Variants in DEF6 observed in about 807,000 individuals in gnomAD.
DEF6 encodes the protein differentially expressed in FDCP 6 homolog.
Under a neutral mutation model 80.5 loss-of-function variants are expected in DEF6, and 32 were observed. That is an observed-to-expected ratio of 0.40 (90% CI 0.30 to 0.53). The LOEUF is 0.53. Ranked by LOEUF, DEF6 falls within the 20% of genes least tolerant of loss-of-function variation. The pLI is 0.57. For missense variants in DEF6, 575 were observed against 818.7 expected, an observed-to-expected ratio of 0.70 and a Z score of 3.63; for synonymous variants, 300 against 337.9, an observed-to-expected ratio of 0.89 and a Z score of 1.23.
Position 35,319,481 on chromosome 6 carries a change from C to G in DEF6, c.1216-43C>G, listed in dbSNP as rs758991019. 2 of 1,564,642 alleles carry G rather than the reference C, an allele frequency of 1.3e-6. No homozygotes were observed. The highest frequency in any genetic ancestry group is 1.7e-6 in the Non-Finnish European group (2 of 1,151,342). On this transcript the variant is annotated intron_variant, in intron 7 of 10. Transcript: ENST00000316637. The surrounding 1 kb of genome is among the most constrained non-coding windows in gnomAD (Gnocchi z 4.5). ...CCCTCCTCCTCCGCCCCCACGTGCCCCTTTTGACCTGGCTCTTGGTCCACC... is the reference window on the plus strand; with the variant it reads ...CCCTCCTCCTCCGCCCCCACGTGCCGCTTTTGACCTGGCTCTTGGTCCACC...
rs1791263193 is a variant in DEF6, at chr6:35,298,048, G to A, written c.96+96G>A. On this transcript the variant is annotated intron_variant, in intron 1 of 10. Transcript: ENST00000316637. The stretch of plus-strand genomic sequence containing the variant: ...GTGTGGACACTGTGCCACTCCAGGG[G>A]CACCCAGCCATCCAGCGTCCCGGGC... 46 of 1,109,950 alleles carry A rather than the reference G, an allele frequency of 4.1e-5. 2 individuals carry two copies. In the South Asian group the frequency reaches 5.2e-4, roughly 13 times the overall value. The allele number at this position is 1,109,950 out of a possible 1,614,324, so 68.8% of individuals were successfully genotyped here.
intron 5 of DEF6, among the ~76,000 whole-genome samples, chr6:35,313,771 A>G (rs987461119): frequency 1.3e-5 from 2 of 152,194 alleles, no homozygotes; most frequent in Admixed American, 6.5e-5. Flanking sequence ...TGTTGTTGCA[A>G]ATGACAAGAT....
At chr6:35,316,690 A>G (rs1020683512) in intron 5 of DEF6, among the ~76,000 whole-genome samples, 4 of 152,212 alleles carry the variant, frequency 2.6e-5, no homozygotes, top group Admixed American at 6.5e-5. Flanking sequence ...TTCTGTTACT[A>G]TGATGTGTCA....
chr6:35,306,562 A>C (rs1285394938), intron 1 of DEF6, among the ~76,000 whole-genome samples: 1 of 152,032 alleles, frequency 6.6e-6, no homozygotes, highest in Non-Finnish European at 1.5e-5. Context: ...AGAGGTGATC[A>C]CTGTTAACAG....
intron 1 of DEF6, among the ~76,000 whole-genome samples, chr6:35,304,787 CACAA>C (rs1006940646): frequency 1.6e-4 from 25 of 152,090 alleles, no homozygotes; most frequent in Admixed American, 3.9e-4. Flanking sequence ...GAAATGCTCA[CACAA>C]ACAGTGAACA....
intron 1 of DEF6, among the ~76,000 whole-genome samples, chr6:35,306,492 C>T (rs1168919409): frequency 6.7e-6 from 1 of 149,774 alleles, no homozygotes; most frequent in African/African-American, 2.5e-5. Flanking sequence ...GCCTGGGCAA[C>T]AAGAGTGAAA....
chr6:35,308,950 T>C (rs2150386565), intron 1 of DEF6, among the ~76,000 whole-genome samples: 1 of 152,264 alleles, frequency 6.6e-6, no homozygotes, highest in South Asian at 2.1e-4. Flanking sequence ...ATGGATTTGT[T>C]CAACAAACCC....
At chr6:35,299,119 G>A (rs559768490) in intron 1 of DEF6, among the ~76,000 whole-genome samples, 1 of 152,142 alleles carries the variant, frequency 6.6e-6, no homozygotes, top group African/African-American at 2.4e-5. Context: ...ACCTGGATTT[G>A]TGAGCATCTA....
In DEF6 at chr6:35,312,736, G is replaced by A. The variant is rs1482506458; in HGVS notation, c.771G>A (p.Arg257=). ...GGAGTGAAGAGTGCAAAGAGAAAAG[G>A]GGCATTATCCCGCTGGATGCACACT... is the stretch of plus-strand genomic sequence containing the variant. The part of the protein sequence containing the change: ...YFGSEECKEK[R]GIIPLDAHCC... Residue 257 remains arginine (R), a synonymous_variant, in exon 5 of 11, where the codon AGG becomes AGA. Transcript: ENST00000316637. The surrounding 1 kb of genome is among the most constrained non-coding windows in gnomAD (Gnocchi z 6.6). The A allele has an allele frequency of 1.2e-6, 2 of 1,613,076 alleles. No homozygotes were observed. Among genetic ancestry groups the A allele is most frequent in the African/African-American group, 1.3e-5 (1 of 74,910 alleles).
intron 1 of DEF6, among the ~76,000 whole-genome samples, chr6:35,302,007 G>A (rs1018086373): frequency 1.3e-5 from 2 of 151,890 alleles, no homozygotes; most frequent in East Asian, 1.9e-4. Flanking sequence ...GATTACAGGC[G>A]TGAGCTACTG....
chr6:35,321,040 C>G, intron 10 of DEF6, 66 bp downstream of exon 10: 3 of 1,582,884 alleles, frequency 1.9e-6, no homozygotes, highest in Non-Finnish European at 2.6e-6. Flanking sequence ...AGAAAGGTCT[C>G]CCTGGGAGAC....
chr6:35,320,896 A>G lies in DEF6; in HGVS notation c.1594A>G (p.Lys532Glu). The G allele has an allele frequency of 6.2e-7, 1 of 1,609,054 alleles. No individual in the cohort carries two copies. ...ADEDVEAAQR[K>E]LRQASTNVKH... ...CCTGTCCCCACAGGCTGCCCAGAGAAAACTGCGCCAGGCCAGCACCAACGT... is the reference window on the plus strand; with the variant it reads ...CCTGTCCCCACAGGCTGCCCAGAGAGAACTGCGCCAGGCCAGCACCAACGT... Residue 532 changes from lysine to glutamate, a missense_variant, in exon 10 of 11, where the codon AAA becomes GAA. Coordinates refer to ENST00000316637, the MANE Select transcript of DEF6 (RefSeq NM_022047.4).
chr6:35,314,615 T>C (rs933226593), intron 5 of DEF6, among the ~76,000 whole-genome samples: 1 of 152,214 alleles, frequency 6.6e-6, no homozygotes, highest in Non-Finnish European at 1.5e-5. Flanking sequence ...AACTGGATTA[T>C]TTGGTTTTTT....
chr6:35,312,889 C>A lies in DEF6; in HGVS notation c.807+117C>A. ...GAGAAAAGCCACAGTGACACAAATT[C>A]CTGCTTAGATTAGTGTGACCCAAAT... On this transcript the variant is annotated intron_variant, in intron 5 of 10. Transcript: ENST00000316637. This position sits in a 1 kb window ranked among gnomAD's most constrained non-coding sequence, Gnocchi z 6.6. 1 of 1,262,172 alleles carries A rather than the reference C, an allele frequency of 7.9e-7. No individual in the cohort carries two copies. Among genetic ancestry groups the A allele is most frequent in the Non-Finnish European group, 1.1e-6 (1 of 912,986 alleles). 78.2% of individuals were successfully genotyped at this position (1,262,172 alleles called of 1,614,324 possible).
chr6:35,319,978 G>A lies in DEF6; in HGVS notation c.1542G>A (p.Glu514=), dbSNP rs61734578. ...SLQQAQQQLE[E]VRQNRQRADE... is the part of the protein sequence containing the mutation. ...AGCAGGCCCAGCAGCAGCTGGAGGA[G>A]GTGCGGCAGAACCGGCAGAGGGCTG... is the stretch of plus-strand genomic sequence containing the variant. Residue 514 remains glutamate (E), a synonymous_variant, in exon 9 of 11, where the codon GAG becomes GAA. Transcript: ENST00000316637. The surrounding 1 kb of genome is among the most constrained non-coding windows in gnomAD (Gnocchi z 4.5). 32,008 of 1,565,576 alleles carry A rather than the reference G, an allele frequency of 0.02. 392 individuals carry two copies. The highest frequency in any genetic ancestry group is 0.045 in the African/African-American group (3,384 of 74,390).
In DEF6 at chr6:35,318,306, G is replaced by C; in HGVS notation, c.1050G>C (p.Leu350=). Residue 350 remains leucine (L), a synonymous_variant, in exon 7 of 11, where the codon CTG becomes CTC. Coordinates refer to ENST00000316637, the MANE Select transcript of DEF6 (RefSeq NM_022047.4). The surrounding 1 kb of genome is among the most constrained non-coding windows in gnomAD (Gnocchi z 5.1). Reference sequence around the variant, plus strand: ...CCAAGGAAGAGGAGCTGCTGCGGCTGCAGCAGCTGCAGGAGGAGAAGGAGC... The same window carrying C: ...CCAAGGAAGAGGAGCTGCTGCGGCTCCAGCAGCTGCAGGAGGAGAAGGAGC... The part of the protein sequence containing the change: ...RAAKEEELLR[L]QQLQEEKERK... 1 of 1,551,036 alleles carries C rather than the reference G, an allele frequency of 6.4e-7. No individual in the cohort carries two copies. Among genetic ancestry groups the C allele is most frequent in the Non-Finnish European group, 8.7e-7 (1 of 1,148,984 alleles).
chr6:35,301,650 T>C (rs114062005), intron 1 of DEF6, among the ~76,000 whole-genome samples: 1 of 151,710 alleles, frequency 6.6e-6, no homozygotes, highest in Non-Finnish European at 1.5e-5. Flanking sequence ...AAATTTCCAG[T>C]GTTCCTCCAT....
intron 1 of DEF6, among the ~76,000 whole-genome samples, chr6:35,300,511 C>T (rs1199219890): frequency 6.6e-6 from 1 of 152,186 alleles, no homozygotes; most frequent in Non-Finnish European, 1.5e-5. Flanking sequence ...GGAGGAAGAA[C>T]AGCACGTCCT....
intron 1 of DEF6, among the ~76,000 whole-genome samples, chr6:35,300,583 C>A (rs543553049): frequency 2.0e-3 from 302 of 152,326 alleles, no homozygotes; most frequent in African/African-American, 6.9e-3. Context: ...GAGGGAAAAA[C>A]CAGATACTTC....
Sources: gnomAD v4.1 joint callset for allele counts (sites outside exome capture counted in the v4.1 genomes callset) on GRCh38, gnomAD v4.1.1 for gene constraint, Gnocchi (gnomAD v3.1) non-coding constraint, MANE v1.5 for transcripts, NCBI Gene and HGNC (gene_info 2026-07-23, HGNC 2026-07-21) for gene names.